SEMA6A: variants seen among roughly 807,000 people sequenced by gnomAD.
SEMA6A encodes the protein semaphorin-6A.
A neutral mutation model predicts 96.8 loss-of-function variants in SEMA6A; 25 were observed. That is an observed-to-expected ratio of 0.26 (90% CI 0.19 to 0.36). The LOEUF (loss-of-function observed/expected upper bound fraction) is 0.36. Among genes scored for constraint, SEMA6A ranks in the 10% least tolerant of loss-of-function variants. The pLI, the probability that SEMA6A is intolerant of heterozygous loss-of-function variation, is 1.00. For missense variants in SEMA6A, 1,363 were observed against 1,323.1 expected (o/e 1.03, Z -0.47); for synonymous variants, 612 against 518.0 (o/e 1.18, Z -2.46).
Position 116,475,616 on chromosome 5 carries a change from GA to G in SEMA6A, c.1650-14del. The G allele has an allele frequency of 6.3e-7, 1 of 1,584,778 alleles. No homozygotes were observed. The highest frequency in any genetic ancestry group is 8.6e-7 in the Non-Finnish European group (1 of 1,163,122). ...CTCAAAAGTCAGTCTTTTAAAAAAG[GA>G]AGGGAAAGAGAGACAGAAATGAATA... On this transcript the variant is annotated splice_polypyrimidine_tract_variant and intron_variant, in intron 15 of 18. Transcript: ENST00000343348.
At position 116,482,558 on chromosome 5, in the gene SEMA6A, A is replaced by G; in HGVS notation, c.980T>C (p.Val327Ala). 2 of 1,613,664 alleles carry G rather than the reference A, an allele frequency of 1.2e-6. No individual in the cohort carries two copies. Among genetic ancestry groups the G allele is most frequent in the Admixed American group, 1.7e-5 (1 of 60,010 alleles). The change falls in exon 11 of 19, where the codon GTC becomes GCC. Residue 327 changes from valine (V) to alanine (A), a missense_variant. This residue lies in a region of SEMA6A where 480 missense variants were observed against 559.5 expected (regional missense o/e 0.86). Coordinates refer to ENST00000343348, the MANE Select transcript of SEMA6A (RefSeq NM_020796.5). ...AATGTCAAGCATGTCATAGGCACAG[A>G]CTGCAGACCCAGGGATGCTACAACA... ...TPYNSIPGSA[V>A]CAYDMLDIAS...
In SEMA6A at chr5:116,446,670, G is replaced by A. The variant is rs759393801; in HGVS notation, c.3036C>T (p.Pro1012=). Residue 1012 remains proline, a synonymous_variant, in exon 19 of 19, where the codon CCC becomes CCT. Coordinates refer to ENST00000343348, the MANE Select transcript of SEMA6A (RefSeq NM_020796.5). ...RTPSLKPDVP[P]KPSFAPLSTS... is the part of the protein sequence containing the mutation. The stretch of plus-strand genomic sequence containing the variant: ...TGGAAAGGGGAGCAAAGGATGGTTT[G>A]GGGGGTACGTCCGGCTTTAGCGAGG... The A allele has an allele frequency of 1.7e-5, 26 of 1,553,876 alleles. No individual in the cohort carries two copies. The highest frequency in any genetic ancestry group is 1.7e-4 in the Middle Eastern group (1 of 5,848).
intron 9 of SEMA6A, among the ~76,000 whole-genome samples, chr5:116,487,859 G>A (rs974892527): frequency 2.6e-5 from 4 of 151,964 alleles, no homozygotes; most frequent in East Asian, 3.9e-4. Context: ...GTAAGACTCC[G>A]TCTCAAAAAG....
chr5:116,461,800 G>T (rs1755415546), intron 18 of SEMA6A, among the ~76,000 whole-genome samples: 1 of 152,100 alleles, frequency 6.6e-6, no homozygotes, highest in Admixed American at 6.6e-5. Context: ...GTGTCTACCT[G>T]TGTTCCATCT....
chr5:116,553,093 A>C (rs1760482259), intron 1 of SEMA6A, among the ~76,000 whole-genome samples: 1 of 152,254 alleles, frequency 6.6e-6, no homozygotes, highest in South Asian at 2.1e-4. Flanking sequence ...GAGTACATAC[A>C]GCACATATGC....
In SEMA6A at chr5:116,446,971, T is replaced by C. The variant is rs754940828; in HGVS notation, c.2735A>G (p.Tyr912Cys). 1.9e-6 allele frequency: 3 copies of C among 1,613,852 alleles called. No individual in the cohort carries two copies. Among genetic ancestry groups the C allele is most frequent in the African/African-American group, 1.3e-5 (1 of 75,010 alleles). Residue 912 changes from tyrosine to cysteine, a missense_variant, in exon 19 of 19, where the codon TAC (tyrosine) becomes TGC (cysteine). Physicochemically the swap from Tyr to Cys is radical, Grantham distance 194. Coordinates refer to ENST00000343348, the MANE Select transcript of SEMA6A (RefSeq NM_020796.5). Reference sequence around the variant, plus strand: ...GTAGCTCCTCTTATAGTCAACCCCGTAGGAAGAGGAGTGGTGCATTTCCAG... The same window carrying C: ...GTAGCTCCTCTTATAGTCAACCCCGCAGGAAGAGGAGTGGTGCATTTCCAG... ...KRLEMHHSSSYGVDYKRSYPT... is the reference protein window; with the variant it reads ...KRLEMHHSSSCGVDYKRSYPT...
chr5:116,469,551 T>C (rs1253295071), intron 17 of SEMA6A: 1 of 152,148 alleles, frequency 6.6e-6, no homozygotes, highest in East Asian at 1.9e-4. Context: ...AATAGCTTTG[T>C]AGGGAGTTAG....
chr5:116,502,133 A>G lies in SEMA6A; in HGVS notation c.218+77T>C, dbSNP rs576839569. 4 of 1,094,406 alleles carry G rather than the reference A, an allele frequency of 3.7e-6. No individual in the cohort carries two copies. The African/African-American group carries it at 6.3e-5, about 17-fold the overall frequency. The allele number at this position is 1,094,406 out of a possible 1,614,324, so 67.8% of individuals were successfully genotyped here. On this transcript the variant is annotated intron_variant, in intron 3 of 18. Coordinates refer to ENST00000343348, the MANE Select transcript of SEMA6A (RefSeq NM_020796.5). ...ATTTAGAAACCTCAAGATCTTAAAAATAATGCATAGCTGGTAAATTTAGGA... is the reference window on the plus strand; with the variant it reads ...ATTTAGAAACCTCAAGATCTTAAAAGTAATGCATAGCTGGTAAATTTAGGA...
At chr5:116,486,665 A>T (rs1221348220) in intron 10 of SEMA6A, 84 bp downstream of exon 10, 3 of 1,126,386 alleles carry the variant, frequency 2.7e-6, no homozygotes, top group African/African-American at 3.1e-5. Context: ...AGTCAGTTGC[A>T]AATATGGTTT....
At chr5:116,536,865 T>C (rs945325008) in intron 1 of SEMA6A, among the ~76,000 whole-genome samples, 2 of 87,692 alleles carry the variant, frequency 2.3e-5, no homozygotes, top group African/African-American at 1.1e-4. Context: ...GTGTGATTTC[T>C]TAAAAAAAAA....
intron 14 of SEMA6A, 26 bp downstream of exon 14, chr5:116,477,988 A>C (rs1160845167): frequency 1.2e-6 from 2 of 1,613,980 alleles, no homozygotes; most frequent in Non-Finnish European, 1.7e-6. Context: ...TGGACTTTCT[A>C]ATTGTCAATG....
chr5:116,505,602 A>C (rs1340061621), intron 1 of SEMA6A, among the ~76,000 whole-genome samples: 4 of 152,184 alleles, frequency 2.6e-5, no homozygotes, highest in Admixed American at 2.6e-4. Flanking sequence ...AAAATCACAC[A>C]ATCTATAAAG....
At chr5:116,452,868 A>G (rs1230677475) in intron 18 of SEMA6A, among the ~76,000 whole-genome samples, 1 of 152,204 alleles carries the variant, frequency 6.6e-6, no homozygotes, top group Non-Finnish European at 1.5e-5. Flanking sequence ...TTCAGCAAAC[A>G]TTTACCAAGC....
At position 116,447,519 on chromosome 5, in the gene SEMA6A, G is replaced by A. The variant is rs1167095614; in HGVS notation, c.2187C>T (p.Asn729=). 5 of 1,613,962 alleles carry A rather than the reference G, an allele frequency of 3.1e-6. No individual in the cohort carries two copies. The highest frequency in any genetic ancestry group is 4.2e-6 in the Non-Finnish European group (5 of 1,179,920). ...TGTTGCCGGGAGTGGCGAGCTTGCC[G>A]TTGTGCATGAGTGGCGTGAGGATGG... is the stretch of plus-strand genomic sequence containing the variant. The part of the protein sequence containing the change: ...PEAILTPLMH[N]GKLATPGNTA... Residue 729 remains asparagine, a synonymous_variant, in exon 19 of 19, where the codon AAC becomes AAT. Transcript: ENST00000343348.
Position 116,488,913 on chromosome 5 carries a change from G to T in SEMA6A, c.630C>A (p.Val210=). The change falls in exon 8 of 19, where the codon GTC becomes GTA. Residue 210 remains valine, a synonymous_variant. Coordinates refer to ENST00000343348, the MANE Select transcript of SEMA6A (RefSeq NM_020796.5). The stretch of plus-strand genomic sequence containing the variant: ...CTTTCAACCATTTTGAATCGTGCTT[G>T]ACGGTCCGCAGGGTAGGGCTTTCTC... ...SLGESPTLRT[V]KHDSKWLKEP... The T allele has an allele frequency of 6.3e-7, 1 of 1,584,548 alleles. No individual in the cohort carries two copies. The highest frequency in any genetic ancestry group is 8.6e-7 in the Non-Finnish European group (1 of 1,164,150).
At chr5:116,550,369 G>T (rs1016283471) in intron 1 of SEMA6A, 2 of 152,018 alleles carry the variant, frequency 1.3e-5, no homozygotes, top group African/African-American at 4.8e-5. Context: ...TCCACCTTTT[G>T]GTTCTGAACA....
intron 1 of SEMA6A, chr5:116,562,574 A>G: frequency 3.2e-6 from 2 of 626,364 alleles, no homozygotes; most frequent in Non-Finnish European, 6.0e-6. Flanking sequence ...GGCACCTCGA[A>G]AGGGGAAGGA....
chr5:116,486,761 G>A lies in SEMA6A; in HGVS notation c.950C>T (p.Thr317Ile). Residue 317 changes from threonine to isoleucine, a missense_variant, in exon 10 of 19, where the codon ACA (threonine) becomes ATA (isoleucine). Thr to Ile is a moderately conservative substitution (Grantham distance 89). Around this residue, in one of 2 missense-constraint regions of SEMA6A, gnomAD observed 480 missense variants for 559.5 expected, o/e 0.86. Transcript: ENST00000343348. ...AGGGCATGATTACCTGTTATAAGGT[G>A]TAGAAAACGTTGCCAGGACAACATC... The part of the protein sequence containing the change: ...GRDVVLATFS[T>I]PYNSIPGSAV... 1 of 1,613,512 alleles carries A rather than the reference G, an allele frequency of 6.2e-7. No individual in the cohort carries two copies. Among genetic ancestry groups the A allele is most frequent in the Non-Finnish European group, 8.5e-7 (1 of 1,179,474 alleles).
chr5:116,552,139 G>C (rs539100307), intron 1 of SEMA6A, among the ~76,000 whole-genome samples: 114 of 152,300 alleles, frequency 7.5e-4, no homozygotes, highest in African/African-American at 2.6e-3. Context: ...TGAGCTATAG[G>C]CTTGTTCTTG....
Sources: gnomAD v4.1 joint callset for allele counts (sites outside exome capture counted in the v4.1 genomes callset) on GRCh38, gnomAD v4.1.1 for gene constraint, gnomAD v4.1.1 regional missense constraint, MANE v1.5 for transcripts, NCBI Gene and HGNC (gene_info 2026-07-23, HGNC 2026-07-21) for gene names.